Variants in ADCK1 observed in about 807,000 individuals in gnomAD.
ADCK1 encodes the protein aarF domain containing kinase 1.
A neutral mutation model predicts 52.3 loss-of-function variants in ADCK1; 41 were observed. The observed-to-expected ratio is 0.78, with a 90% CI of 0.61 to 1.02. The LOEUF (loss-of-function observed/expected upper bound fraction) is 1.02, where lower values mean the gene tolerates loss of function less well. Among genes scored for constraint, ADCK1 ranks in the 50% least tolerant of loss-of-function variants. The probability of loss-of-function intolerance (pLI) is 0.00; values close to 1 mark genes in which losing one functional copy is unlikely to be tolerated. For synonymous variants in ADCK1, 250 were observed against 274.6 expected, an observed-to-expected ratio of 0.91 and a Z score of 0.89; for missense variants, 658 against 679.5, an observed-to-expected ratio of 0.97 and a Z score of 0.35.
intron 3 of ADCK1, among the ~76,000 whole-genome samples, chr14:77,837,311 A>AT (rs1194025147): frequency 1.3e-5 from 2 of 150,126 alleles, no homozygotes; most frequent in Non-Finnish European, 1.5e-5. Flanking sequence ...TAATTTTTGT[A>AT]TTTTTTTGTA....
rs777102800 is a variant in ADCK1, at chr14:77,839,793, C to T, written c.219+17275C>T. 3.3e-5 allele frequency among the ~76,000 whole-genome samples: 5 copies of T among 151,790 alleles called. 1 individual carries two copies. In the South Asian group the frequency reaches 8.3e-4, roughly 25 times the overall value. On this transcript the variant is annotated intron_variant, in intron 3 of 10. Transcript: ENST00000238561. Reference sequence around the variant, plus strand: ...CAAAAATTAGCCAGGTGTGGTAGTGCGCGCCTCCTCAGCTACTTGGGAGGC... The same window carrying T: ...CAAAAATTAGCCAGGTGTGGTAGTGTGCGCCTCCTCAGCTACTTGGGAGGC...
At chr14:77,806,915 A>G (rs2139993724) in intron 1 of ADCK1, among the ~76,000 whole-genome samples, 1 of 151,898 alleles carries the variant, frequency 6.6e-6, no homozygotes, top group Non-Finnish European at 1.5e-5. Context: ...GTGTTTCACC[A>G]TGTTGCCTGA....
intron 7 of ADCK1, among the ~76,000 whole-genome samples, chr14:77,912,584 G>C (rs532709741): frequency 6.6e-6 from 1 of 152,214 alleles, no homozygotes; most frequent in African/African-American, 2.4e-5. Flanking sequence ...ACTCCCTCCT[G>C]AGGGCAGCCT....
At chr14:77,911,855 A>G (rs1291423352) in intron 7 of ADCK1, among the ~76,000 whole-genome samples, 1 of 152,096 alleles carries the variant, frequency 6.6e-6, no homozygotes, top group Non-Finnish European at 1.5e-5. Flanking sequence ...GAAGAATCAG[A>G]GACTCAGAGA....
At chr14:77,856,772 G>A (rs2082425378) in intron 3 of ADCK1, among the ~76,000 whole-genome samples, 1 of 152,144 alleles carries the variant, frequency 6.6e-6, no homozygotes. Flanking sequence ...GGGAGGCCAC[G>A]GCGAGTGGAT....
intron 4 of ADCK1, among the ~76,000 whole-genome samples, chr14:77,876,775 C>G (rs56239817): frequency 0.15 from 22,721 of 152,202 alleles, 2,129 homozygotes; most frequent in African/African-American, 0.26. Context: ...ACTGCCACCC[C>G]CCGACCTCCC....
intron 4 of ADCK1, among the ~76,000 whole-genome samples, chr14:77,883,009 G>A (rs1233169479): frequency 7.9e-6 from 1 of 126,332 alleles, no homozygotes; most frequent in African/African-American, 3.1e-5. Flanking sequence ...TCCCCCCTTC[G>A]CACATGTGTG....
In ADCK1 at chr14:77,931,501, C is replaced by G; in HGVS notation, c.1207-17C>G. 4 of 1,608,796 alleles carry G rather than the reference C, an allele frequency of 2.5e-6. No individual in the cohort carries two copies. The highest frequency in any genetic ancestry group is 3.4e-6 in the Non-Finnish European group (4 of 1,176,256). ...CCATACCAACCATCTGTTTCTGTTG[C>G]CCCATTGCTGCTTCAGGACTTAGAG... On this transcript the variant is annotated splice_polypyrimidine_tract_variant and intron_variant, in intron 9 of 10. Transcript: ENST00000238561.
chr14:77,852,656 AATAAATATATATATATATATATATAT>A lies in ADCK1; in HGVS notation c.220-6416_220-6391del, dbSNP rs1387427986. On this transcript the variant is annotated intron_variant, in intron 3 of 10. Transcript: ENST00000238561. ...ATTTCAGCCATTATTTCTTTAAATA[AATAAATATATATATATATATATATAT>A]ATATATATATATATATATATATTTC... is the stretch of plus-strand genomic sequence containing the variant. Among the ~76,000 whole-genome samples, 57 of 26,188 alleles carry A rather than the reference AATAAATATATATATATATATATATAT, an allele frequency of 2.2e-3. 1 individual carries two copies. Among genetic ancestry groups the A allele is most frequent in the African/African-American group, 5.1e-3 (57 of 11,078 alleles). 17.2% of individuals were successfully genotyped at this position (26,188 alleles called of 152,430 possible).
chr14:77,910,293 A>T (rs1332075179), intron 7 of ADCK1, among the ~76,000 whole-genome samples: 1 of 152,012 alleles, frequency 6.6e-6, no homozygotes, highest in Non-Finnish European at 1.5e-5. Context: ...TATTTTACAG[A>T]TGGGGTGAAA....
At chr14:77,902,949 T>C (rs1224518793) in intron 6 of ADCK1, among the ~76,000 whole-genome samples, 8 of 152,192 alleles carry the variant, frequency 5.3e-5, no homozygotes, top group Admixed American at 4.6e-4. Flanking sequence ...GTGGTGCTCC[T>C]CTCAGGATAC....
At chr14:77,803,065 TG>T (rs1411524281) in intron 1 of ADCK1, among the ~76,000 whole-genome samples, 5 of 152,224 alleles carry the variant, frequency 3.3e-5, no homozygotes, top group Admixed American at 3.3e-4. Flanking sequence ...ATTGACTTGG[TG>T]TCTTTGGCAT....
At chr14:77,868,005 A>G (rs966509340) in intron 4 of ADCK1, among the ~76,000 whole-genome samples, 3 of 152,226 alleles carry the variant, frequency 2.0e-5, no homozygotes, top group African/African-American at 7.2e-5. Context: ...AAAATTTGGC[A>G]GTTAAGACCA....
At chr14:77,843,758 ATTGATG>A (rs2082121734) in intron 3 of ADCK1, among the ~76,000 whole-genome samples, 1 of 152,214 alleles carries the variant, frequency 6.6e-6, no homozygotes, top group Non-Finnish European at 1.5e-5. Context: ...CTAAATCATT[ATTGATG>A]CTTGTAATTC....
intron 4 of ADCK1, among the ~76,000 whole-genome samples, chr14:77,878,398 G>C (rs2082945542): frequency 6.6e-6 from 1 of 152,252 alleles, no homozygotes; most frequent in South Asian, 2.1e-4. Flanking sequence ...AACTACCCAT[G>C]GTTGAGCATT....
intron 3 of ADCK1, among the ~76,000 whole-genome samples, chr14:77,857,410 A>C (rs887209753): frequency 6.6e-6 from 1 of 152,206 alleles, no homozygotes; most frequent in African/African-American, 2.4e-5. Context: ...CTATCACCTG[A>C]GTACAATACA....
chr14:77,837,613 A>T (rs1594907016), intron 3 of ADCK1, among the ~76,000 whole-genome samples: 1 of 152,078 alleles, frequency 6.6e-6, no homozygotes, highest in Non-Finnish European at 1.5e-5. Context: ...GCCTGTAACC[A>T]CTCTACTCCC....
At chr14:77,919,826 G>C (rs1295871525) in intron 7 of ADCK1, among the ~76,000 whole-genome samples, 3 of 151,998 alleles carry the variant, frequency 2.0e-5, no homozygotes, top group Non-Finnish European at 4.4e-5. Context: ...GCATTTCCCT[G>C]ATCATTAGTG....
chr14:77,932,215 A>C (rs1408617229), intron 10 of ADCK1, among the ~76,000 whole-genome samples: 1 of 151,786 alleles, frequency 6.6e-6, no homozygotes, highest in Non-Finnish European at 1.5e-5. Context: ...TATCCAGCTA[A>C]TTTTTATATT....
Sources: gnomAD v4.1 joint callset for allele counts (sites outside exome capture counted in the v4.1 genomes callset) on GRCh38, gnomAD v4.1.1 for gene constraint, MANE v1.5 for transcripts, NCBI Gene and HGNC (gene_info 2026-07-23, HGNC 2026-07-21) for gene names.